The following ZNF446 variants were observed in gnomAD, a reference collection of about 807,000 sequenced individuals.
ZNF446 encodes the protein zinc finger protein with KRAB and SCAN domains 20.
Under a neutral mutation model 34.0 loss-of-function variants are expected in ZNF446, and 42 were observed. The observed-to-expected ratio is 1.23, with a 90% confidence interval of 0.96 to 1.60. The LOEUF (loss-of-function observed/expected upper bound fraction) is 1.60. ZNF446 is among the 40% of genes most tolerant of loss of function. The pLI, the probability that ZNF446 is intolerant of heterozygous loss-of-function variation, is 0.00. For missense variants in ZNF446, 650 were observed against 600.2 expected, an observed-to-expected ratio of 1.08 and a Z score of -0.87; for synonymous variants, 315 against 251.0, an observed-to-expected ratio of 1.25 and a Z score of -2.41.
chr19:58,482,713 T>G (rs911394040), downstream of ZNF446, among the ~76,000 whole-genome samples: 1 of 152,116 alleles, frequency 6.6e-6, no homozygotes, highest in African/African-American at 2.4e-5. Flanking sequence ...GTTGCTCCCA[T>G]GTGCAGGGCT....
At chr19:58,488,923 T>G in the ZNF446 span, among the ~76,000 whole-genome samples, 2 of 151,662 alleles carry the variant, frequency 1.3e-5, no homozygotes, top group Non-Finnish European at 2.9e-5. Context: ...CCAGGACCTG[T>G]GCATATGATG....
At chr19:58,477,600 C>T (rs755127191) in intron 2 of ZNF446, 37 bp from the exon 3 acceptor site, 1 of 1,613,278 alleles carries the variant, frequency 6.2e-7, no homozygotes, top group Non-Finnish European at 8.5e-7. Context: ...GGGATAGACC[C>T]TGGCTAGAGC....
Position 58,477,351 on chromosome 19 carries a change from G to A in ZNF446, c.133G>A (p.Ala45Thr), listed in dbSNP as rs1273811883. Reference sequence around the variant, plus strand: ...GGTGGCAGGTCCCCGAGAAGCCCTGGCCCGGCTGCGTGAGCTGTGTTGCCA... The same window carrying A: ...GGTGGCAGGTCCCCGAGAAGCCCTGACCCGGCTGCGTGAGCTGTGTTGCCA... Reference protein sequence around the residue: ...QEVAGPREALARLRELCCQWL... With the variant: ...QEVAGPREALTRLRELCCQWL... Residue 45 changes from alanine (A) to threonine (T), a missense_variant, in exon 2 of 7, where the codon GCC (alanine) becomes ACC (threonine). Ala to Thr is a moderately conservative substitution (Grantham distance 58, BLOSUM62 0). Transcript: ENST00000594369. 6 of 1,613,420 alleles carry A rather than the reference G, an allele frequency of 3.7e-6. No individual in the cohort carries two copies. The highest frequency in any genetic ancestry group is 2.2e-5 in the East Asian group (1 of 44,876).
rs2053098213 is a variant in ZNF446 at position 58,477,461 on chromosome 19, G to A, written c.243G>A (p.Glu81=). ...LEQFLGTLPP[E]IQAWVRGQRP... is the part of the protein sequence containing the mutation. Reference sequence around the variant, plus strand: ...AGTTCCTGGGCACACTGCCTCCCGAGATCCAGGCCTGGGTGCGCGGTCAGC... The same window carrying A: ...AGTTCCTGGGCACACTGCCTCCCGAAATCCAGGCCTGGGTGCGCGGTCAGC... The change falls in exon 2 of 7, where the codon GAG becomes GAA. Residue 81 remains glutamate, a synonymous_variant. Coordinates refer to ENST00000594369, the MANE Select transcript of ZNF446 (RefSeq NM_017908.4). The A allele has an allele frequency of 6.2e-7, 1 of 1,613,560 alleles. No homozygotes were observed. The highest frequency in any genetic ancestry group is 1.3e-5 in the African/African-American group (1 of 74,940).
At position 58,479,835 on chromosome 19, in the gene ZNF446, C is replaced by T. The variant is rs764461265; in HGVS notation, c.713-95C>T. 16 of 1,425,570 alleles carry T rather than the reference C, an allele frequency of 1.1e-5. No homozygotes were observed. The East Asian group carries it at 3.1e-4, about 28-fold the overall frequency. The allele number at this position is 1,425,570 out of a possible 1,614,324, so 88.3% of individuals were successfully genotyped here. A position where few individuals can be genotyped will look rare whatever the true frequency, so the allele number is the denominator to read the frequency against. ...GTGCTACCAGCCCTACCCAGCTCTC[C>T]CACCTTCCAGAGGAACACCCTGTCA... On this transcript the variant is annotated intron_variant, in intron 5 of 6. Coordinates refer to ENST00000594369, the MANE Select transcript of ZNF446 (RefSeq NM_017908.4).
intron 4 of ZNF446, 57 bp from the exon 5 acceptor site, chr19:58,479,586 C>T (rs2053118337): frequency 6.3e-7 from 1 of 1,576,762 alleles, no homozygotes; most frequent in African/African-American, 1.3e-5. Context: ...AGAATGTGAA[C>T]CAGACAGGGC....
intron 4 of ZNF446, 83 bp downstream of exon 4, chr19:58,478,264 C>T: frequency 2.2e-6 from 3 of 1,344,352 alleles, no homozygotes; most frequent in Non-Finnish European, 2.0e-6. Flanking sequence ...GGTGGTTTTC[C>T]AGGCTCCTTG....
Position 58,476,384 on chromosome 19 carries a change from G to C in ZNF446, c.-161G>C, listed in dbSNP as rs2053085655. On this transcript the variant is annotated 5_prime_UTR_variant, in exon 1 of 7. Transcript: ENST00000594369. ...ACCCTCAACGCCGTTCCGGGGGGCCGGGCCTGGCAAGTCCTCTTGGAACGC... is the reference window on the plus strand; with the variant it reads ...ACCCTCAACGCCGTTCCGGGGGGCCCGGCCTGGCAAGTCCTCTTGGAACGC... 6.6e-6 allele frequency: 1 copy of C among 152,416 alleles called. No homozygotes were observed. The highest frequency in any genetic ancestry group is 2.1e-4 in the South Asian group (1 of 4,832). The allele number at this position is 152,416 out of a possible 1,614,324, so 9.4% of individuals were successfully genotyped here.
chr19:58,479,104 G>A (rs929885484), intron 4 of ZNF446, among the ~76,000 whole-genome samples: 2 of 152,130 alleles, frequency 1.3e-5, no homozygotes, highest in East Asian at 1.9e-4. Flanking sequence ...GATGTGTTTC[G>A]AGGCTAAGAA....
At chr19:58,478,490 C>T (rs778947747) in intron 4 of ZNF446, among the ~76,000 whole-genome samples, 3 of 151,976 alleles carry the variant, frequency 2.0e-5, no homozygotes, top group African/African-American at 7.3e-5. Context: ...GTGGTGAAAC[C>T]CTGTATCTAC....
chr19:58,476,560 C>G (rs181647786), intron 1 of ZNF446, 56 bp downstream of exon 1: 19 of 152,386 alleles, frequency 1.2e-4, no homozygotes, highest in Admixed American at 1.0e-3. Flanking sequence ...CATCCCTCGA[C>G]TCCGCGCAAC....
chr19:58,485,130 G>C (rs2053162409), downstream of ZNF446, among the ~76,000 whole-genome samples: 1 of 152,024 alleles, frequency 6.6e-6, no homozygotes, highest in Admixed American at 6.6e-5. Flanking sequence ...GAATTGCTAA[G>C]ACAATTTGGA....
chr19:58,488,129 C>T, the ZNF446 span, among the ~76,000 whole-genome samples: 1 of 150,034 alleles, frequency 6.7e-6, no homozygotes, highest in South Asian at 2.1e-4. Flanking sequence ...TGACCACACA[C>T]CCTGTTCATG....
At chr19:58,487,758 G>A in the ZNF446 span, among the ~76,000 whole-genome samples, 6 of 152,248 alleles carry the variant, frequency 3.9e-5, no homozygotes, top group East Asian at 1.9e-4. Flanking sequence ...GCAGTGAGCC[G>A]AGATCACGCC....
At chr19:58,477,147 T>C (rs2053093513) in intron 1 of ZNF446, 32 bp from the exon 2 acceptor site, 3 of 1,374,326 alleles carry the variant, frequency 2.2e-6, no homozygotes, top group Non-Finnish European at 2.9e-6. Context: ...CAGATTCTCT[T>C]GGCTGACATT....
chr19:58,487,340 C>CT, the ZNF446 span, among the ~76,000 whole-genome samples: 2 of 152,176 alleles, frequency 1.3e-5, no homozygotes, highest in Admixed American at 6.5e-5. Flanking sequence ...CCCGGAACTC[C>CT]TAGTCTCGAG....
rs770470395 is a variant in ZNF446 at position 58,477,424 on chromosome 19, T to C, written c.206T>C (p.Leu69Pro). The C allele has an allele frequency of 7.4e-6, 12 of 1,613,374 alleles. No homozygotes were observed. Among genetic ancestry groups the C allele is most frequent in the Non-Finnish European group, 1.0e-5 (12 of 1,180,010 alleles). ...AHSKEQMLEM[L>P]VLEQFLGTLP... The stretch of plus-strand genomic sequence containing the variant: ...TCCAAGGAGCAGATGCTGGAGATGC[T>C]GGTGCTGGAGCAGTTCCTGGGCACA... The change falls in exon 2 of 7, where the codon CTG becomes CCG. Residue 69 changes from leucine (L) to proline (P), a missense_variant. Physicochemically the swap from Leu to Pro is moderately conservative, Grantham distance 98. Coordinates refer to ENST00000594369, the MANE Select transcript of ZNF446 (RefSeq NM_017908.4).
chr19:58,486,546 T>TA, the ZNF446 span, among the ~76,000 whole-genome samples: 1 of 151,776 alleles, frequency 6.6e-6, no homozygotes, highest in African/African-American at 2.4e-5. Context: ...TAGCTGGGAT[T>TA]ACAGGCCCCC....
downstream of ZNF446, among the ~76,000 whole-genome samples, chr19:58,481,889 GTTC>G (rs748064955): frequency 1.7e-3 from 257 of 152,268 alleles, 1 homozygote; most frequent in Non-Finnish European, 3.0e-3. Flanking sequence ...TGCCTCCCGG[GTTC>G]ACGCCATTCT....
Sources: allele counts gnomAD v4.1 joint callset (sites outside exome capture counted in the v4.1 genomes callset), GRCh38; gene constraint gnomAD v4.1.1; transcripts MANE v1.5; gene names NCBI Gene and HGNC (gene_info 2026-07-23, HGNC 2026-07-21).